The following ETFA variants were observed in gnomAD, a reference collection of about 807,000 sequenced individuals.
ETFA encodes electron transfer flavoprotein subunit alpha.
In ETFA, 22 loss-of-function variants were observed where a neutral mutation model predicts 46.2. The ratio of observed to expected loss-of-function variants is 0.48; its 90% CI spans 0.34 to 0.68. The LOEUF is 0.68. ETFA is among the 30% of genes least tolerant of loss of function. ETFA has a pLI of 0.01. For missense variants in ETFA, 345 were observed against 401.1 expected (o/e 0.86, Z 1.19); for synonymous variants, 131 against 139.9 (o/e 0.94, Z 0.45).
intron 1 of ETFA, among the ~76,000 whole-genome samples, chr15:76,308,782 C>A (rs1377717565): frequency 6.6e-6 from 1 of 152,164 alleles, no homozygotes; most frequent in African/African-American, 2.4e-5. Context: ...GGTGAAACTT[C>A]CAGATATTGC....
At chr15:76,283,725 G>C (rs1362998957) in intron 8 of ETFA, 32 bp downstream of exon 8, 13 of 1,307,696 alleles carry the variant, frequency 9.9e-6, no homozygotes, top group African/African-American at 1.4e-5. Flanking sequence ...AACAAAAAGG[G>C]AATATCTTTC....
intron 10 of ETFA, chr15:76,228,280 G>A: frequency 6.4e-6 from 2 of 310,502 alleles, no homozygotes; most frequent in Non-Finnish European, 1.2e-5. Flanking sequence ...GATCTCCTGG[G>A]CTCAAGTGAT....
At chr15:76,263,103 A>T (rs962062464) in intron 9 of ETFA, among the ~76,000 whole-genome samples, 4 of 152,174 alleles carry the variant, frequency 2.6e-5, no homozygotes, top group Non-Finnish European at 4.4e-5. Flanking sequence ...GCTGTAGCTC[A>T]TTTGCTTGAT....
At chr15:76,254,559 A>G (rs988824860) in intron 9 of ETFA, among the ~76,000 whole-genome samples, 5 of 152,240 alleles carry the variant, frequency 3.3e-5, no homozygotes, top group Non-Finnish European at 7.3e-5. Flanking sequence ...GATAACCCCG[A>G]GAGCCCCAAG....
intron 9 of ETFA, among the ~76,000 whole-genome samples, chr15:76,250,456 T>C (rs1281694515): frequency 1.3e-5 from 2 of 152,104 alleles, no homozygotes; most frequent in Non-Finnish European, 2.9e-5. Context: ...AAATCTCAGC[T>C]ATATACTGCT....
chr15:76,271,406 A>C (rs1204660462), intron 9 of ETFA, among the ~76,000 whole-genome samples: 3 of 152,240 alleles, frequency 2.0e-5, no homozygotes, highest in Non-Finnish European at 4.4e-5. Flanking sequence ...CAAGATATAT[A>C]ATCTAAATTG....
intron 9 of ETFA, among the ~76,000 whole-genome samples, chr15:76,253,961 T>C (rs2039326294): frequency 6.6e-6 from 1 of 152,210 alleles, no homozygotes; most frequent in Non-Finnish European, 1.5e-5. Context: ...CTACAAAATC[T>C]GGTTAAAACA....
chr15:76,290,056 G>GA (rs2039744180), intron 4 of ETFA, among the ~76,000 whole-genome samples: 3 of 152,210 alleles, frequency 2.0e-5, no homozygotes, highest in East Asian at 1.9e-4. Context: ...CAGACTGGAG[G>GA]AAAAAATGTT....
intron 11 of ETFA, 101 bp from the exon 12 acceptor site, chr15:76,216,698 A>C: frequency 2.5e-6 from 2 of 810,828 alleles, no homozygotes; most frequent in Non-Finnish European, 4.3e-6. Flanking sequence ...AACAACACAA[A>C]TCACTGTTGA....
intron 1 of ETFA, among the ~76,000 whole-genome samples, chr15:76,297,320 G>A (rs925520775): frequency 5.0e-4 from 75 of 151,114 alleles, no homozygotes; most frequent in African/African-American, 1.7e-3. Context: ...TTCTTTTTTC[G>A]TTGGAAGAGC....
At chr15:76,271,408 T>C (rs2039529650) in intron 9 of ETFA, among the ~76,000 whole-genome samples, 1 of 152,166 alleles carries the variant, frequency 6.6e-6, no homozygotes, top group South Asian at 2.1e-4. Flanking sequence ...AGATATATAA[T>C]CTAAATTGAA....
chr15:76,279,452 T>C (rs1304724931), intron 8 of ETFA, among the ~76,000 whole-genome samples: 1 of 152,234 alleles, frequency 6.6e-6, no homozygotes, highest in South Asian at 2.1e-4. Flanking sequence ...AATTCTGATA[T>C]TGTTTGTAGA....
chr15:76,226,097 TGTAATAAAATTC>T, intron 10 of ETFA, 168 bp from the exon 11 acceptor site: 1 of 596,154 alleles, frequency 1.7e-6, no homozygotes, highest in Non-Finnish European at 3.0e-6. Flanking sequence ...CAGGTTGGAA[TGTAATAAAATTC>T]TCTCTTACCC....
intron 1 of ETFA, among the ~76,000 whole-genome samples, chr15:76,310,292 A>G (rs1274013764): frequency 6.6e-6 from 1 of 150,592 alleles, no homozygotes; most frequent in East Asian, 1.9e-4. Context: ...TCTAATGTCT[A>G]CAGACATCTA....
intron 8 of ETFA, among the ~76,000 whole-genome samples, chr15:76,282,555 A>G (rs567354329): frequency 6.6e-5 from 10 of 152,360 alleles, no homozygotes; most frequent in Admixed American, 3.9e-4. Context: ...GTTCAAAGAA[A>G]GAAGGAATGA....
At chr15:76,226,289 A>G (rs1460371268) in intron 10 of ETFA, 7 of 234,900 alleles carry the variant, frequency 3.0e-5, no homozygotes, top group Non-Finnish European at 4.2e-5. Flanking sequence ...TTATTTTAAA[A>G]TTATTATTCT....
At position 76,252,383 on chromosome 15, in the gene ETFA, G is replaced by A. The variant is rs574918058; in HGVS notation, c.817-20985C>T. ...ATTTTTATTTACACACTCTCACCTC[G>A]TTTCAGCCTATCTTTCTAGCCTTTA... On this transcript the variant is annotated intron_variant, in intron 9 of 11. Coordinates refer to ENST00000557943, the MANE Select transcript of ETFA (RefSeq NM_000126.4). Among the ~76,000 whole-genome samples the A allele has an allele frequency of 6.6e-5, 10 of 152,216 alleles. 1 individual carries two copies. Among genetic ancestry groups the A allele is most frequent in the South Asian group, 4.1e-4 (2 of 4,822 alleles).
At chr15:76,275,654 T>C (rs1295295527) in intron 8 of ETFA, among the ~76,000 whole-genome samples, 1 of 152,222 alleles carries the variant, frequency 6.6e-6, no homozygotes, top group East Asian at 1.9e-4. Context: ...GGTTTTCTAT[T>C]TGTTGCCCTT....
chr15:76,268,207 G>T (rs1371941035), intron 9 of ETFA, among the ~76,000 whole-genome samples: 1 of 100,672 alleles, frequency 9.9e-6, no homozygotes. Context: ...AAAAAAAAAA[G>T]CCTTTGCTTC....
Sources: gnomAD v4.1 joint callset for allele counts (sites outside exome capture counted in the v4.1 genomes callset) on GRCh38, gnomAD v4.1.1 for gene constraint, MANE v1.5 for transcripts, NCBI Gene and HGNC (gene_info 2026-07-23, HGNC 2026-07-21) for gene names.